CCZ1: variants seen among roughly 807,000 people sequenced by gnomAD.
The protein encoded by CCZ1 is CCZ1 vacuolar protein trafficking and biogenesis associated, also known as vacuolar fusion protein CCZ1 homolog.
A neutral mutation model predicts 57.8 loss-of-function variants in CCZ1; 19 were observed. The observed-to-expected ratio is 0.33, with a 90% CI of 0.23 to 0.48. The LOEUF (loss-of-function observed/expected upper bound fraction) is 0.48. Ranked by LOEUF, CCZ1 falls within the 20% of genes least tolerant of loss-of-function variation. The pLI, the probability that CCZ1 is intolerant of heterozygous loss-of-function variation, is 0.99. For missense variants in CCZ1, 200 were observed against 492.0 expected (o/e 0.41, Z 5.61); for synonymous variants, 81 against 167.0 (o/e 0.49, Z 3.97).
chr7:5,905,183 G>C lies in CCZ1; in HGVS notation c.612G>C (p.Leu204Phe). 1 of 1,570,534 alleles carries C rather than the reference G, an allele frequency of 6.4e-7. No homozygotes were observed. The change falls in exon 7 of 15, where the codon TTG becomes TTC. Residue 204 changes from leucine (L) to phenylalanine (F), a missense_variant. This residue lies in a region of CCZ1 where 128 missense variants were observed against 178.4 expected (regional missense o/e 0.72). Transcript: ENST00000325974. The part of the protein sequence containing the change: ...SFFPLDKMTY[L>F]KIQSFINRME... ...TCCCGTTGGATAAAATGACTTATTTGAAAATCCAGTCCTTTATTAATAGAA... is the reference window on the plus strand; with the variant it reads ...TCCCGTTGGATAAAATGACTTATTTCAAAATCCAGTCCTTTATTAATAGAA...
chr7:5,904,688 G>A (rs1583182481), intron 6 of CCZ1, among the ~76,000 whole-genome samples: 1 of 147,286 alleles, frequency 6.8e-6, no homozygotes, highest in African/African-American at 2.6e-5. Flanking sequence ...AAAAATAGCT[G>A]GGCATGGTGG....
At chr7:5,901,580 G>T in intron 4 of CCZ1, 77 bp from the exon 5 acceptor site, 1 of 1,515,140 alleles carries the variant, frequency 6.6e-7, no homozygotes, top group Admixed American at 2.0e-5. Context: ...CCAAGAGTTA[G>T]TGTACCTTTG....
At chr7:5,909,525 A>AC (rs1009776785) in intron 7 of CCZ1, among the ~76,000 whole-genome samples, 4 of 146,144 alleles carry the variant, frequency 2.7e-5, no homozygotes, top group African/African-American at 1.0e-4. Context: ...ACGTAGCAAG[A>AC]CCCCCATCTC....
At chr7:5,903,786 G>T (rs1382025840) in intron 6 of CCZ1, among the ~76,000 whole-genome samples, 1 of 147,354 alleles carries the variant, frequency 6.8e-6, no homozygotes, top group Admixed American at 6.7e-5. Context: ...GAGGTCATGA[G>T]TTCGAGACCA....
chr7:5,914,442 T>C (rs1779108837), intron 10 of CCZ1, among the ~76,000 whole-genome samples: 1 of 148,656 alleles, frequency 6.7e-6, no homozygotes, highest in South Asian at 2.2e-4. Context: ...TCAAAAATAA[T>C]GAAACTGGTA....
At chr7:5,904,402 A>G (rs1781755280) in intron 6 of CCZ1, among the ~76,000 whole-genome samples, 1 of 146,478 alleles carries the variant, frequency 6.8e-6, no homozygotes, top group Non-Finnish European at 1.5e-5. Flanking sequence ...TAAAAACTTG[A>G]AAGTGCTAGC....
intron 12 of CCZ1, among the ~76,000 whole-genome samples, chr7:5,920,765 C>G (rs1389586285): frequency 1.7e-5 from 2 of 115,158 alleles, no homozygotes; most frequent in Admixed American, 1.7e-4. Context: ...AGCTACCGCA[C>G]CCGGCCATGC....
chr7:5,915,235 G>A (rs1163891552), intron 10 of CCZ1, among the ~76,000 whole-genome samples: 14 of 149,644 alleles, frequency 9.4e-5, no homozygotes, highest in African/African-American at 3.4e-4. Context: ...AGGGGAGATT[G>A]CAGGAAGAGC....
chr7:5,901,570 C>T, intron 4 of CCZ1, 87 bp from the exon 5 acceptor site: 1 of 1,509,444 alleles, frequency 6.6e-7, no homozygotes, highest in Non-Finnish European at 8.9e-7. Context: ...TACTGTTTGG[C>T]CAAGAGTTAG....
intron 5 of CCZ1, 142 bp from the exon 6 acceptor site, chr7:5,902,519 C>G (rs1213537230): frequency 1.5e-6 from 2 of 1,344,860 alleles, no homozygotes; most frequent in Non-Finnish European, 1.9e-6. Context: ...CTCAAGTTTT[C>G]TCATGTAAAT....
chr7:5,908,375 C>T (rs563601739), intron 7 of CCZ1, among the ~76,000 whole-genome samples: 33 of 117,528 alleles, frequency 2.8e-4, no homozygotes, highest in Admixed American at 3.1e-4. Context: ...TAGTATATTG[C>T]TTTGATTTTT....
At position 5,916,371 on chromosome 7, in the gene CCZ1, A is replaced by G. The variant is rs1779144472; in HGVS notation, c.955-2496A>G. Among the ~76,000 whole-genome samples, 3 of 130,640 alleles carry G rather than the reference A, an allele frequency of 2.3e-5. No homozygotes were observed. In the South Asian group the frequency reaches 8.2e-4, roughly 36 times the overall value. The allele number at this position is 130,640 out of a possible 152,430, so 85.7% of individuals were successfully genotyped here. ...GCGGTTTATTACAGTGGAAGAATAC[A>G]GGTTAAAATCAGCCCGGGGAAGAGG... On this transcript the variant is annotated intron_variant, in intron 10 of 14. Coordinates refer to ENST00000325974, the MANE Select transcript of CCZ1 (RefSeq NM_015622.6).
rs764239068 is a variant in CCZ1, at chr7:5,902,612, G to A, written c.439-49G>A. 23 of 1,540,504 alleles carry A rather than the reference G, an allele frequency of 1.5e-5. No individual in the cohort carries two copies. The Middle Eastern group carries it at 5.1e-4, about 34-fold the overall frequency. ...AAAAAGAACTTGTTATACTGAAAAA[G>A]TGAGCATAGGAAACTGATTTTTTTT... On this transcript the variant is annotated intron_variant, in intron 5 of 14. Coordinates refer to ENST00000325974, the MANE Select transcript of CCZ1 (RefSeq NM_015622.6).
At chr7:5,920,360 G>T in intron 12 of CCZ1, among the ~76,000 whole-genome samples, 1 of 117,626 alleles carries the variant, frequency 8.5e-6, no homozygotes, top group African/African-American at 3.2e-5. Context: ...GGGGCACTGG[G>T]CCTGGGTACT....
At chr7:5,920,766 C>T (rs1184442234) in intron 12 of CCZ1, among the ~76,000 whole-genome samples, 1 of 114,772 alleles carries the variant, frequency 8.7e-6, no homozygotes, top group Non-Finnish European at 1.9e-5. Flanking sequence ...GCTACCGCAC[C>T]CGGCCATGCT....
intron 10 of CCZ1, among the ~76,000 whole-genome samples, chr7:5,914,395 C>T (rs1487847582): frequency 6.7e-6 from 1 of 148,928 alleles, no homozygotes; most frequent in Non-Finnish European, 1.5e-5. Context: ...ATGATCACAC[C>T]ACTGCATTCT....
intron 8 of CCZ1, 182 bp downstream of exon 8, chr7:5,910,298 T>G: frequency 1.9e-6 from 1 of 513,494 alleles, no homozygotes; most frequent in Non-Finnish European, 3.4e-6. Context: ...TCCTCCAGTA[T>G]GTGACATTCA....
chr7:5,915,781 C>CCCCT (rs1248044637), intron 10 of CCZ1, among the ~76,000 whole-genome samples: 4 of 127,916 alleles, frequency 3.1e-5, no homozygotes, highest in African/African-American at 1.1e-4. Flanking sequence ...TTCCAAAACC[C>CCCCT]CCGGGAGGTG....
chr7:5,900,278 T>G lies in CCZ1; in HGVS notation c.121-6T>G. The G allele has an allele frequency of 3.4e-6, 5 of 1,470,078 alleles. No individual in the cohort carries two copies. Among genetic ancestry groups the G allele is most frequent in the Non-Finnish European group, 4.6e-6 (5 of 1,089,590 alleles). The allele number at this position is 1,470,078 out of a possible 1,614,324, so 91.1% of individuals were successfully genotyped here. A position where few individuals can be genotyped will look rare whatever the true frequency, so the allele number is the denominator to read the frequency against. ...CATGTTGTGCTTCTGTTTCCTCATGTTTCAGGAGGAAAATAAGATTTTATT... is the reference window on the plus strand; with the variant it reads ...CATGTTGTGCTTCTGTTTCCTCATGGTTCAGGAGGAAAATAAGATTTTATT... On this transcript the variant is annotated splice_region_variant and splice_polypyrimidine_tract_variant and intron_variant, in intron 1 of 14. Transcript: ENST00000325974.
Sources: allele counts gnomAD v4.1 joint callset (sites outside exome capture counted in the v4.1 genomes callset), GRCh38; gene constraint gnomAD v4.1.1; regional missense constraint gnomAD v4.1.1; transcripts MANE v1.5; gene names NCBI Gene and HGNC (gene_info 2026-07-23, HGNC 2026-07-21).